DCBLD1: variants seen among roughly 807,000 people sequenced by gnomAD.
DCBLD1 encodes the protein discoidin, CUB and LCCL domain-containing protein 1.
A neutral mutation model predicts 71.5 loss-of-function variants in DCBLD1; 57 were observed. That is an observed-to-expected ratio of 0.80 (90% CI 0.64 to 0.99). The LOEUF is 0.99. Ranked by LOEUF, DCBLD1 falls within the 50% of genes least tolerant of loss-of-function variation. The pLI, the probability that DCBLD1 is intolerant of heterozygous loss-of-function variation, is 0.00. For synonymous variants in DCBLD1, 380 were observed against 363.8 expected, an observed-to-expected ratio of 1.04 and a Z score of -0.51; for missense variants, 891 against 923.5, an observed-to-expected ratio of 0.96 and a Z score of 0.46.
At chr6:117,542,664 A>T (rs1393917781) in intron 11 of DCBLD1, among the ~76,000 whole-genome samples, 3 of 152,128 alleles carry the variant, frequency 2.0e-5, no homozygotes, top group African/African-American at 7.2e-5. Flanking sequence ...CGAGGATCCC[A>T]GTTTTCCAGA....
intron 3 of DCBLD1, among the ~76,000 whole-genome samples, chr6:117,520,520 G>T (rs553013602): frequency 6.6e-6 from 1 of 152,258 alleles, no homozygotes; most frequent in Admixed American, 6.5e-5. Flanking sequence ...TTTCACCAGT[G>T]AGCCCCTCCG....
intron 14 of DCBLD1, among the ~76,000 whole-genome samples, chr6:117,546,236 C>T (rs1307298298): frequency 6.6e-6 from 1 of 152,110 alleles, no homozygotes; most frequent in African/African-American, 2.4e-5. Flanking sequence ...AGAGTAGTTT[C>T]TTGACACTTA....
At chr6:117,541,721 T>C (rs1779103753) in intron 11 of DCBLD1, among the ~76,000 whole-genome samples, 1 of 152,218 alleles carries the variant, frequency 6.6e-6, no homozygotes. Context: ...TCAGTATCCG[T>C]AGATAATCAC....
At chr6:117,537,662 C>CT (rs68032011) in intron 7 of DCBLD1, among the ~76,000 whole-genome samples, 3,100 of 46,856 alleles carry the variant, frequency 0.066, 997 homozygotes, top group African/African-American at 0.15. Context: ...TACATAGCAC[C>CT]TTTTTTTTTT....
At chr6:117,543,021 A>AT in intron 11 of DCBLD1, 103 bp from the exon 12 acceptor site, 1 of 948,620 alleles carries the variant, frequency 1.1e-6, no homozygotes, top group Non-Finnish European at 1.7e-6. Context: ...TTCCCCCTAT[A>AT]TTAAATGCTT....
chr6:117,486,520 C>T (rs1350778750), intron 1 of DCBLD1, among the ~76,000 whole-genome samples: 1 of 152,212 alleles, frequency 6.6e-6, no homozygotes, highest in Non-Finnish European at 1.5e-5. Flanking sequence ...CTGAAATGCT[C>T]CCCCATACTC....
At position 117,566,929 on chromosome 6, in the gene DCBLD1, G is replaced by A. The variant is rs763299787; in HGVS notation, c.1616-2691G>A. Reference sequence around the variant, plus strand: ...TTACCACCTCCTTCTAACTCATCAAGGTACAAACGGTAACGATGTCCACTC... The same window carrying A: ...TTACCACCTCCTTCTAACTCATCAAAGTACAAACGGTAACGATGTCCACTC... On this transcript the variant is annotated intron_variant, in intron 14 of 14. Coordinates refer to the DCBLD1 transcript ENST00000296955. The A allele has an allele frequency of 5.6e-6, 9 of 1,611,410 alleles. No individual in the cohort carries two copies. The South Asian group carries it at 8.8e-5, about 16-fold the overall frequency.
chr6:117,550,049 A>G (rs924287878), downstream of DCBLD1, among the ~76,000 whole-genome samples: 2 of 152,190 alleles, frequency 1.3e-5, no homozygotes, highest in African/African-American at 4.8e-5. Context: ...TAGTTGGAAC[A>G]TTTATCAAAG....
At chr6:117,507,339 A>G (rs1777876553) in intron 2 of DCBLD1, among the ~76,000 whole-genome samples, 1 of 152,196 alleles carries the variant, frequency 6.6e-6, no homozygotes, top group Admixed American at 6.5e-5. Context: ...CCAGCAAAAT[A>G]TGCACTTGAT....
chr6:117,509,584 G>T (rs1192752363), intron 2 of DCBLD1, among the ~76,000 whole-genome samples: 2 of 151,966 alleles, frequency 1.3e-5, no homozygotes, highest in Non-Finnish European at 2.9e-5. Flanking sequence ...CCTATCCTCT[G>T]CCCCTCTACT....
rs1475022456 is a variant in DCBLD1, at chr6:117,496,135, G to A, written c.113-7632G>A. On this transcript the variant is annotated intron_variant, in intron 1 of 14. Transcript: ENST00000338728. ...CATTATCATCCTTATTAGATCACTA[G>A]TCATATCATTAGCATCTATTTTATA... Among the ~76,000 whole-genome samples, 3 of 152,238 alleles carry A rather than the reference G, an allele frequency of 2.0e-5. No homozygotes were observed. The East Asian group carries it at 5.8e-4, about 29-fold the overall frequency.
downstream of DCBLD1, among the ~76,000 whole-genome samples, chr6:117,552,820 CA>C (rs1779448794): frequency 6.6e-6 from 1 of 152,178 alleles, no homozygotes; most frequent in African/African-American, 2.4e-5. Flanking sequence ...TCTATCAGCT[CA>C]AAACCCCCTG....
intron 6 of DCBLD1, among the ~76,000 whole-genome samples, chr6:117,532,684 G>C (rs1778763758): frequency 6.6e-6 from 1 of 152,172 alleles, no homozygotes; most frequent in Admixed American, 6.5e-5. Flanking sequence ...GAAAATAAAG[G>C]CTTAATCCTT....
At chr6:117,515,249 C>T (rs956802338) in intron 2 of DCBLD1, among the ~76,000 whole-genome samples, 1 of 152,040 alleles carries the variant, frequency 6.6e-6, no homozygotes, top group African/African-American at 2.4e-5. Flanking sequence ...TCTCGAACTC[C>T]TGACCTCCTG....
chr6:117,497,116 A>G (rs1293090392), intron 1 of DCBLD1, among the ~76,000 whole-genome samples: 3 of 152,122 alleles, frequency 2.0e-5, no homozygotes, highest in Non-Finnish European at 2.9e-5. Flanking sequence ...AATTGCTTGA[A>G]CCTGGGAGGC....
At position 117,548,707 on chromosome 6, in the gene DCBLD1, C is replaced by G. The variant is rs1179097369; in HGVS notation, c.*268C>G. On this transcript the variant is annotated 3_prime_UTR_variant, in exon 15 of 15. Transcript: ENST00000338728. ...ATTTTCAGATGGCGTTTTCATTCCT[C>G]TGACTGATATTGAGCTGCTTTGGTG... The G allele has an allele frequency of 1.4e-6, 2 of 1,383,792 alleles. No individual in the cohort carries two copies. Among genetic ancestry groups the G allele is most frequent in the Non-Finnish European group, 1.9e-6 (2 of 1,071,762 alleles). 85.7% of individuals were successfully genotyped at this position (1,383,792 alleles called of 1,614,324 possible).
At chr6:117,532,144 A>G (rs1231388802) in intron 5 of DCBLD1, 116 bp from the exon 6 acceptor site, 1 of 1,426,018 alleles carries the variant, frequency 7.0e-7, no homozygotes, top group East Asian at 2.4e-5. Flanking sequence ...GGCCATTGGA[A>G]GGCTTTATTC....
At chr6:117,518,623 A>G (rs1370118040) in intron 2 of DCBLD1, among the ~76,000 whole-genome samples, 2 of 152,200 alleles carry the variant, frequency 1.3e-5, no homozygotes, top group African/African-American at 2.4e-5. Flanking sequence ...AAAGCCTCAA[A>G]TCATGGTAGA....
At position 117,482,725 on chromosome 6, in the gene DCBLD1, C is replaced by T. The variant is rs1159993521; in HGVS notation, c.-57C>T. On this transcript the variant is annotated 5_prime_UTR_variant, in exon 1 of 15. Transcript: ENST00000338728. Reference sequence around the variant, plus strand: ...GGAGGCGGCCCGGCCCGGGCAGCTGCGGCTCGGGATCCGTCGAGGGGAGGC... The same window carrying T: ...GGAGGCGGCCCGGCCCGGGCAGCTGTGGCTCGGGATCCGTCGAGGGGAGGC... 6 of 1,110,302 alleles carry T rather than the reference C, an allele frequency of 5.4e-6. No homozygotes were observed. Among genetic ancestry groups the T allele is most frequent in the Non-Finnish European group, 5.5e-6 (5 of 910,964 alleles). 68.8% of individuals were successfully genotyped at this position (1,110,302 alleles called of 1,614,324 possible).
Sources: gnomAD v4.1 joint callset for allele counts (sites outside exome capture counted in the v4.1 genomes callset) on GRCh38, gnomAD v4.1.1 for gene constraint, MANE v1.5 for transcripts, NCBI Gene and HGNC (gene_info 2026-07-23, HGNC 2026-07-21) for gene names.